Variants in STK40 observed in about 807,000 individuals in gnomAD.
The protein encoded by STK40 is serine/threonine kinase 40, also known as serine/threonine-protein kinase 40.
STK40 carries 13 observed loss-of-function variants against 47.9 expected under a neutral mutation model. That is an observed-to-expected ratio of 0.27 (90% CI 0.18 to 0.43). STK40 has a LOEUF of 0.43. STK40 is among the 20% of genes least tolerant of loss of function. STK40 has a pLI of 1.00. For missense variants in STK40, 460 were observed against 595.1 expected (o/e 0.77, Z 2.36); for synonymous variants, 225 against 243.2 (o/e 0.93, Z 0.69).
At chr1:36,375,521 A>G (rs370325932) in intron 1 of STK40, among the ~76,000 whole-genome samples, 1 of 150,234 alleles carries the variant, frequency 6.7e-6, no homozygotes, top group African/African-American at 2.4e-5. Context: ...AAAAAAAAAG[A>G]GAAATGTTAT....
intron 1 of STK40, among the ~76,000 whole-genome samples, chr1:36,376,822 G>C (rs1396327032): frequency 6.8e-6 from 1 of 147,468 alleles, no homozygotes; most frequent in African/African-American, 2.5e-5. Context: ...TTTTTTTTGA[G>C]ATGGAGTGCA....
intron 1 of STK40, among the ~76,000 whole-genome samples, chr1:36,376,004 A>C (rs2124750848): frequency 6.6e-6 from 1 of 152,260 alleles, no homozygotes; most frequent in African/African-American, 2.4e-5. Flanking sequence ...CCTGGGCAAC[A>C]AGAGCAAAAC....
intron 1 of STK40, among the ~76,000 whole-genome samples, chr1:36,379,322 T>C (rs1430725388): frequency 6.6e-6 from 1 of 152,086 alleles, no homozygotes; most frequent in Non-Finnish European, 1.5e-5. Flanking sequence ...GACTGCTAAG[T>C]TCTGGGGAGC....
At chr1:36,358,431 C>T (rs749185715) in intron 3 of STK40, 49 bp from the exon 4 acceptor site, 1 of 1,561,114 alleles carries the variant, frequency 6.4e-7, no homozygotes, top group Non-Finnish European at 8.7e-7. Context: ...CCTCACTTTA[C>T]ACAGCAGAAC....
intron 1 of STK40, among the ~76,000 whole-genome samples, chr1:36,363,624 G>A (rs1646873709): frequency 6.7e-6 from 1 of 149,238 alleles, no homozygotes; most frequent in Non-Finnish European, 1.5e-5. Flanking sequence ...GGCTAACACT[G>A]TGAAACCCCG....
In STK40 at chr1:36,365,285, G is replaced by A. The variant is rs117216962; in HGVS notation, c.-8-3945C>T. On this transcript the variant is annotated intron_variant, in intron 1 of 10. Transcript: ENST00000373132. ...GATTACAGGCATGAGCACCGCGCCC[G>A]GCCTGTTTTGGCCCTTATTCTAAAC... is the stretch of plus-strand genomic sequence containing the variant. Among the ~76,000 whole-genome samples the A allele has an allele frequency of 8.0e-4, 122 of 152,202 alleles. 2 individuals are homozygous for A. In the East Asian group the frequency reaches 0.017, roughly 21 times the overall value.
Position 36,341,776 on chromosome 1 carries a change from C to A in STK40, c.1287G>T (p.Ala429=). The A allele has an allele frequency of 6.2e-7, 1 of 1,611,908 alleles. No homozygotes were observed. The highest frequency in any genetic ancestry group is 2.2e-5 in the East Asian group (1 of 44,848). The part of the protein sequence containing the change: ...PMTSLDTAIL[A]QRYLRK ...GCTGTTATTTCCGCAGGTAGCGCTG[C>A]GCCAGGATGGCCGTGTCCAAGGAGG... Residue 429 remains alanine, a synonymous_variant, in exon 11 of 11, where the codon GCG becomes GCT. Coordinates refer to ENST00000373132, the MANE Select transcript of STK40 (RefSeq NM_001282547.2).
At chr1:36,385,125 T>C (rs1471632562) in intron 1 of STK40, among the ~76,000 whole-genome samples, 1 of 152,198 alleles carries the variant, frequency 6.6e-6, no homozygotes, top group Non-Finnish European at 1.5e-5. Context: ...GGCGTGGGAA[T>C]GGGCGGGCCT....
Position 36,385,860 on chromosome 1 carries a change from A to AGCCGCCGCCGCC in STK40, c.-158_-147dup, listed in dbSNP as rs528997688. ...CGCCGCCTCCCAGCGCAGCCACCCG[A>AGCCGCCGCCGCC]GCCGCCGCCGCCGCCGCCGCCGCCT... is the stretch of plus-strand genomic sequence containing the variant. On this transcript the variant is annotated 5_prime_UTR_variant, in exon 1 of 11. Transcript: ENST00000373132. The AGCCGCCGCCGCC allele has an allele frequency of 2.2e-4, 38 of 175,458 alleles. 1 individual carries two copies. Among genetic ancestry groups the AGCCGCCGCCGCC allele is most frequent in the Non-Finnish European group, 4.1e-4 (36 of 87,298 alleles). The allele number at this position is 175,458 out of a possible 1,614,324, so 10.9% of individuals were successfully genotyped here.
chr1:36,373,420 TGAAA>T (rs1241485469), intron 1 of STK40, among the ~76,000 whole-genome samples: 2 of 152,206 alleles, frequency 1.3e-5, no homozygotes, highest in African/African-American at 4.8e-5. Flanking sequence ...CTTCTATTAT[TGAAA>T]AAGCAAAGCC....
At chr1:36,382,941 G>A (rs143323461) in intron 1 of STK40, among the ~76,000 whole-genome samples, 1 of 152,264 alleles carries the variant, frequency 6.6e-6, no homozygotes, top group East Asian at 1.9e-4. Context: ...CTGTCTGATG[G>A]CAGAGCCAAA....
rs1646677254 is a variant in STK40, at chr1:36,343,982, G to A, written c.885-3C>T. On this transcript the variant is annotated splice_region_variant and splice_polypyrimidine_tract_variant and intron_variant, in intron 8 of 10. Transcript: ENST00000373132. ...TGTTCTCAGAAACCCGTCCATCCCT[G>A]AGGCAGGGAGTTGGGGAGGAGGGCT... The A allele has an allele frequency of 1.2e-5, 19 of 1,601,778 alleles. No homozygotes were observed. Among genetic ancestry groups the A allele is most frequent in the Non-Finnish European group, 1.4e-5 (16 of 1,171,160 alleles).
intron 1 of STK40, 45 bp from the exon 2 acceptor site, chr1:36,361,385 G>A: frequency 6.2e-7 from 1 of 1,610,624 alleles, no homozygotes; most frequent in African/African-American, 1.3e-5. Flanking sequence ...AAGTCAGCGA[G>A]TTTCCTTATG....
intron 1 of STK40, among the ~76,000 whole-genome samples, chr1:36,379,582 G>A (rs1056649495): frequency 5.9e-5 from 9 of 151,942 alleles, no homozygotes; most frequent in South Asian, 4.2e-4. Context: ...GGGTTTTACC[G>A]TGTTAGCCAG....
At chr1:36,342,281 C>T (rs896025301) in intron 10 of STK40, 30 of 392,802 alleles carry the variant, frequency 7.6e-5, no homozygotes, top group East Asian at 1.1e-4. Context: ...TCTGGCCCCT[C>T]GCAAAGGTTC....
intron 1 of STK40, among the ~76,000 whole-genome samples, chr1:36,382,885 A>G (rs1012305811): frequency 1.3e-5 from 2 of 152,342 alleles, no homozygotes; most frequent in Non-Finnish European, 2.9e-5. Context: ...GGTGGAGAGA[A>G]TAAGTAATCC....
At chr1:36,349,672 A>G (rs1272304455) in intron 6 of STK40, among the ~76,000 whole-genome samples, 8 of 150,262 alleles carry the variant, frequency 5.3e-5, no homozygotes, top group African/African-American at 2.0e-4. Context: ...GGCGTGGGGC[A>G]GGGCAGCTTT....
chr1:36,380,174 G>A (rs1186320724), intron 1 of STK40, among the ~76,000 whole-genome samples: 1 of 152,190 alleles, frequency 6.6e-6, no homozygotes, highest in Non-Finnish European at 1.5e-5. Flanking sequence ...GTGGGCCCTC[G>A]ACTACCTTCG....
intron 1 of STK40, among the ~76,000 whole-genome samples, chr1:36,365,447 A>G (rs1303195421): frequency 6.6e-6 from 1 of 152,206 alleles, no homozygotes; most frequent in Non-Finnish European, 1.5e-5. Context: ...TAATTTTGAG[A>G]ATAACTAGGA....
Sources: allele counts gnomAD v4.1 joint callset (sites outside exome capture counted in the v4.1 genomes callset), GRCh38; gene constraint gnomAD v4.1.1; transcripts MANE v1.5; gene names NCBI Gene and HGNC (gene_info 2026-07-23, HGNC 2026-07-21).